Variants in RGS5 observed in about 807,000 individuals in gnomAD.
The protein encoded by RGS5 is regulator of G-protein signalling 5.
RGS5 carries 20 observed loss-of-function variants against 18.9 expected under a neutral mutation model. That is an observed-to-expected ratio of 1.06 (90% CI 0.74 to 1.54). The LOEUF is 1.54. RGS5 is among the 40% of genes most tolerant of loss of function. The pLI is 0.00. For synonymous variants in RGS5, 57 were observed against 76.2 expected (o/e 0.75, Z 1.31); for missense variants, 201 against 211.8 (o/e 0.95, Z 0.32).
chr1:163,217,650 G>C, upstream of RGS5: 1 of 1,511,778 alleles, frequency 6.6e-7, no homozygotes, highest in Non-Finnish European at 8.8e-7. Context: ...CTGGGCTAGT[G>C]TTCCTTAGAA....
chr1:163,269,956 G>A (rs979364941), intron 2 of RGS5, among the ~76,000 whole-genome samples: 2 of 152,070 alleles, frequency 1.3e-5, no homozygotes, highest in African/African-American at 4.8e-5. Flanking sequence ...CAATTAAATA[G>A]AAGATCTCTA....
At chr1:163,275,706 G>C (rs1271861736) in intron 2 of RGS5, among the ~76,000 whole-genome samples, 1 of 152,114 alleles carries the variant, frequency 6.6e-6, no homozygotes, top group East Asian at 1.9e-4. Flanking sequence ...TTCAGGAGAG[G>C]ATATGTTAAT....
intron 1 of RGS5, among the ~76,000 whole-genome samples, chr1:163,180,973 C>T (rs912351971): frequency 9.9e-5 from 15 of 152,112 alleles, no homozygotes; most frequent in Admixed American, 8.5e-4. Context: ...GTATTACAGG[C>T]GTGAGCCACC....
In RGS5 at chr1:163,145,580, T is replaced by C. The variant is rs1317305319; in HGVS notation, c.*1762A>G. 6.6e-6 allele frequency: 1 copy of C among 152,148 alleles called. No homozygotes were observed. The highest frequency in any genetic ancestry group is 1.5e-5 in the Non-Finnish European group (1 of 68,036). 9.4% of individuals were successfully genotyped at this position (152,148 alleles called of 1,614,324 possible). The stretch of plus-strand genomic sequence containing the variant: ...GCTTGATGAAGGAGTTTCTTTGAAG[T>C]GAGCAATACTGGCAAATATGAATGA... On this transcript the variant is annotated 3_prime_UTR_variant, in exon 5 of 5. Coordinates refer to ENST00000313961, the MANE Select transcript of RGS5 (RefSeq NM_003617.4).
At chr1:163,236,651 T>A (rs1383840265) in intron 2 of RGS5, among the ~76,000 whole-genome samples, 1 of 152,098 alleles carries the variant, frequency 6.6e-6, no homozygotes, top group Non-Finnish European at 1.5e-5. Context: ...GAGCAGACCC[T>A]CTACAAAGAA....
At chr1:163,168,210 A>G (rs767286955) in intron 2 of RGS5, 48 bp downstream of exon 2, 3 of 1,381,530 alleles carry the variant, frequency 2.2e-6, no homozygotes, top group Admixed American at 1.7e-5. Context: ...CACTTGGAAA[A>G]TAGCCATCCT....
intron 2 of RGS5, among the ~76,000 whole-genome samples, chr1:163,239,529 C>T (rs1647729385): frequency 6.7e-6 from 1 of 150,356 alleles, no homozygotes; most frequent in Non-Finnish European, 1.5e-5. Context: ...AAAAGATTCA[C>T]TTCTAAATGG....
chr1:163,309,235 G>A (rs1649788696), intron 1 of RGS5, among the ~76,000 whole-genome samples: 1 of 152,152 alleles, frequency 6.6e-6, no homozygotes, highest in African/African-American at 2.4e-5. Flanking sequence ...GAAGGTTTAG[G>A]TGGCTGCAGC....
At chr1:163,286,981 A>G (rs1471639945) in intron 2 of RGS5, among the ~76,000 whole-genome samples, 1 of 152,126 alleles carries the variant, frequency 6.6e-6, no homozygotes, top group African/African-American at 2.4e-5. Flanking sequence ...GGTCAATCTG[A>G]GAAAGATAAA....
intron 2 of RGS5, among the ~76,000 whole-genome samples, chr1:163,252,777 T>C (rs1467141647): frequency 6.6e-6 from 1 of 152,086 alleles, no homozygotes; most frequent in Non-Finnish European, 1.5e-5. Context: ...TTTTCGTCTT[T>C]ATGGGAGTTG....
chr1:163,259,220 C>T (rs537913501), intron 2 of RGS5, among the ~76,000 whole-genome samples: 4 of 151,978 alleles, frequency 2.6e-5, no homozygotes, highest in South Asian at 2.1e-4. Flanking sequence ...GGCGTGATCT[C>T]GGCTCACTGC....
chr1:163,195,562 A>C (rs4656389), intron 1 of RGS5, among the ~76,000 whole-genome samples: 22,904 of 151,944 alleles, frequency 0.15, 1,782 homozygotes, highest in South Asian at 0.27. Flanking sequence ...ACTGTACCCC[A>C]AAAACTACTG....
intron 2 of RGS5, among the ~76,000 whole-genome samples, chr1:163,275,595 G>A (rs1227608733): frequency 6.6e-6 from 1 of 152,190 alleles, no homozygotes; most frequent in Non-Finnish European, 1.5e-5. Context: ...AAGAATAAAT[G>A]TCAAGACTAA....
rs575225187 is a variant in RGS5 at position 163,152,365 on chromosome 1, C to T, written c.384+185G>A. 12 of 529,682 alleles carry T rather than the reference C, an allele frequency of 2.3e-5. No homozygotes were observed. The East Asian group carries it at 3.5e-4, about 16-fold the overall frequency. The allele number at this position is 529,682 out of a possible 1,614,324, so 32.8% of individuals were successfully genotyped here. ...CCATAAAACTAGAAAGCGGTCTGAACAGGATTGTTCATATATACTTGACCA... is the reference window on the plus strand; with the variant it reads ...CCATAAAACTAGAAAGCGGTCTGAATAGGATTGTTCATATATACTTGACCA... On this transcript the variant is annotated intron_variant, in intron 4 of 4. Coordinates refer to ENST00000313961, the MANE Select transcript of RGS5 (RefSeq NM_003617.4).
At position 163,231,754 on chromosome 1, in the gene RGS5, T is replaced by TAAAAAAA. The variant is rs59080668; in HGVS notation, c.-280-63393_-280-63387dup. 2.7e-3 allele frequency among the ~76,000 whole-genome samples: 358 copies of TAAAAAAA among 133,338 alleles called. 3 individuals carry two copies. Among genetic ancestry groups the TAAAAAAA allele is most frequent in the Non-Finnish European group, 3.9e-3 (247 of 62,716 alleles). 87.5% of individuals were successfully genotyped at this position (133,338 alleles called of 152,430 possible). On this transcript the variant is annotated intron_variant, in intron 2 of 5. Coordinates refer to the RGS5 transcript ENST00000618415. ...CCTGGGAAGAAACAAGTGGTAAAATTAAAAAAAAAAAAAAAAGGCTAAATA... is the reference window on the plus strand; with the variant it reads ...CCTGGGAAGAAACAAGTGGTAAAATTAAAAAAAAAAAAAAAAAAAAAAAGGCTAAATA...
chr1:163,164,798 T>C (rs1239268527), intron 2 of RGS5, among the ~76,000 whole-genome samples: 5 of 152,324 alleles, frequency 3.3e-5, no homozygotes, highest in Admixed American at 2.6e-4. Flanking sequence ...CAAGTGCCTG[T>C]GGTTGGGTTT....
chr1:163,202,754 T>C, intron 1 of RGS5, 38 bp downstream of exon 1: 2 of 1,599,530 alleles, frequency 1.3e-6, no homozygotes, highest in Non-Finnish European at 1.7e-6. Context: ...AGATTCTCCA[T>C]ATCTGCATCT....
chr1:163,191,343 TAAAAAAAAAAAG>T (rs1430186768), intron 1 of RGS5, among the ~76,000 whole-genome samples: 2 of 143,852 alleles, frequency 1.4e-5, no homozygotes, highest in African/African-American at 2.5e-5. Flanking sequence ...CAAAATGCTA[TAAAAAAAAAAAG>T]ATAGTGCAGC....
intron 2 of RGS5, among the ~76,000 whole-genome samples, chr1:163,163,810 G>A (rs1657914509): frequency 6.6e-6 from 1 of 152,174 alleles, no homozygotes; most frequent in South Asian, 2.1e-4. Context: ...AGAGCAAGAG[G>A]AAGGCTGATT....
Sources: gnomAD v4.1 joint callset for allele counts (sites outside exome capture counted in the v4.1 genomes callset) on GRCh38, gnomAD v4.1.1 for gene constraint, MANE v1.5 for transcripts, NCBI Gene and HGNC (gene_info 2026-07-23, HGNC 2026-07-21) for gene names.